MEG3: variants seen among roughly 807,000 people sequenced by gnomAD.
MEG3 encodes the protein Very putative protein from MEG3 locus.
chr14:100,860,990 G>A, exon 2 of MEG3: 1 of 274,888 alleles, frequency 3.6e-6, no homozygotes, highest in East Asian at 1.3e-4. Context: ...GCACCCCACT[G>A]TGCTCTCAAT....
At chr14:100,830,682 A>T (rs2037373192), downstream of MEG3, 1 of 152,230 alleles carries the variant, frequency 6.6e-6, no homozygotes, top group Non-Finnish European at 1.5e-5. Context: ...ATACAAAGAT[A>T]ATGAAAACAG....
chr14:100,856,042 TTCCTGGAGGTGA>T (rs1242856591), upstream of MEG3: 9 of 152,324 alleles, frequency 5.9e-5, no homozygotes, highest in East Asian at 1.5e-3. Flanking sequence ...ACTCTGGCCT[TTCCTGGAGGTGA>T]TCTTGGAGCC....
Sources: gnomAD v4.1 joint callset for allele counts on GRCh38, gnomAD v4.1.1 for gene constraint, MANE v1.5 for transcripts, NCBI Gene and HGNC (gene_info 2026-07-23, HGNC 2026-07-21) for gene names.